Variants in VPS13C observed in about 807,000 individuals in gnomAD.
VPS13C encodes the protein vacuolar protein sorting 13 homolog C, also known as intermembrane lipid transfer protein VPS13C.
VPS13C carries 358 observed loss-of-function variants against 456.8 expected under a neutral mutation model. That is an observed-to-expected ratio of 0.78 (90% confidence interval 0.72 to 0.86). VPS13C has a LOEUF of 0.86. Ranked by LOEUF, VPS13C falls within the 40% of genes least tolerant of loss-of-function variation. VPS13C has a pLI of 0.00. For missense variants in VPS13C, 4,818 were observed against 4,385.4 expected (o/e 1.10, Z -2.79); for synonymous variants, 1,578 against 1,486.7 (o/e 1.06, Z -1.41).
chr15:62,049,962 G>A (rs2048564166), intron 1 of VPS13C, among the ~76,000 whole-genome samples: 1 of 152,166 alleles, frequency 6.6e-6, no homozygotes, highest in Non-Finnish European at 1.5e-5. Context: ...TGTATCCTGA[G>A]ACTTTGCTGA....
Position 61,981,479 on chromosome 15 carries a change from C to T in VPS13C, c.2030-1G>A. On this transcript the variant is annotated splice_acceptor_variant, in intron 21 of 84. Transcript: ENST00000644861. LOFTEE classifies it high-confidence loss of function. ...CGAGTTTCAATAATATGTGTAAGTC[C>T]TAAAGACGTAAGAAATAATGACAGA... 2 of 1,582,156 alleles carry T rather than the reference C, an allele frequency of 1.3e-6. No homozygotes were observed. Among genetic ancestry groups the T allele is most frequent in the Non-Finnish European group, 1.7e-6 (2 of 1,168,568 alleles).
intron 64 of VPS13C, among the ~76,000 whole-genome samples, chr15:61,909,573 T>C (rs35607089): frequency 0.064 from 9,775 of 152,328 alleles, 347 homozygotes; most frequent in Non-Finnish European, 0.081. Flanking sequence ...GTTGGCATTA[T>C]ATATTGATAT....
chr15:61,915,544 T>A, intron 61 of VPS13C, 89 bp downstream of exon 61: 1 of 1,343,606 alleles, frequency 7.4e-7, no homozygotes, highest in Non-Finnish European at 1.0e-6. Context: ...AGCAAATAGG[T>A]TAGCATGGTT....
chr15:61,897,512 A>G (rs2042863605), intron 66 of VPS13C, among the ~76,000 whole-genome samples: 1 of 152,218 alleles, frequency 6.6e-6, no homozygotes, highest in South Asian at 2.1e-4. Context: ...GCGATGGAAG[A>G]TGAAATGAAT....
intron 4 of VPS13C, among the ~76,000 whole-genome samples, chr15:62,033,818 A>T (rs574115135): frequency 3.0e-4 from 45 of 151,652 alleles, no homozygotes; most frequent in African/African-American, 6.5e-4. Context: ...CAAAGATAAG[A>T]AGTAGAAACA....
intron 66 of VPS13C, among the ~76,000 whole-genome samples, chr15:61,892,727 A>C (rs1348385581): frequency 6.6e-6 from 1 of 152,234 alleles, no homozygotes; most frequent in Non-Finnish European, 1.5e-5. Flanking sequence ...AATTCTAGGA[A>C]AGTCAGCAAC....
intron 2 of VPS13C, among the ~76,000 whole-genome samples, chr15:62,043,177 A>C (rs540440643): frequency 1.3e-5 from 2 of 152,270 alleles, no homozygotes; most frequent in Admixed American, 1.3e-4. Flanking sequence ...AAAATATTTA[A>C]ATTTTTGAGC....
chr15:61,909,260 T>C (rs1419921194), intron 64 of VPS13C, 135 bp from the exon 65 acceptor site: 1 of 1,089,328 alleles, frequency 9.2e-7, no homozygotes, highest in Non-Finnish European at 1.3e-6. Context: ...CAGGCTGGAG[T>C]ACAGTGGCGC....
chr15:61,943,681 A>C (rs1472119008), intron 45 of VPS13C, among the ~76,000 whole-genome samples: 1 of 152,180 alleles, frequency 6.6e-6, no homozygotes, highest in Non-Finnish European at 1.5e-5. Context: ...TCAAACTATA[A>C]GAATTTTACA....
intron 8 of VPS13C, among the ~76,000 whole-genome samples, chr15:62,022,107 A>C (rs931116818): frequency 4.6e-5 from 7 of 151,920 alleles, no homozygotes; most frequent in Non-Finnish European, 8.8e-5. Context: ...GAATGCTGAC[A>C]TCTCTTTGAC....
chr15:61,926,381 C>T (rs2043849947), intron 52 of VPS13C, among the ~76,000 whole-genome samples: 2 of 152,158 alleles, frequency 1.3e-5, no homozygotes, highest in Non-Finnish European at 2.9e-5. Context: ...GGCTAGGTGA[C>T]GGAGTGAGAC....
chr15:61,864,670 C>T (rs1481817876), intron 81 of VPS13C: 12 of 985,242 alleles, frequency 1.2e-5, no homozygotes, highest in Non-Finnish European at 1.4e-5. Context: ...TGCAAAAAGC[C>T]ATGAATAAGG....
intron 53 of VPS13C, 136 bp downstream of exon 53, chr15:61,925,320 T>C (rs1160722888): frequency 2.3e-6 from 1 of 429,238 alleles, no homozygotes. Flanking sequence ...ATGTTAGAAG[T>C]TACTGATTAC....
intron 15 of VPS13C, among the ~76,000 whole-genome samples, chr15:62,001,341 T>A (rs1379024799): frequency 6.6e-6 from 1 of 152,238 alleles, no homozygotes; most frequent in Non-Finnish European, 1.5e-5. Context: ...TTTTCTAATA[T>A]TTCACACTGG....
In VPS13C at chr15:61,998,599, C is replaced by T. The variant is rs181220225; in HGVS notation, c.1353+1965G>A. ...GAAACTAAGGCACAGAGGGGTCAAA[C>T]GGCCCAAAATCATATAATTAGTAGA... is the stretch of plus-strand genomic sequence containing the variant. On this transcript the variant is annotated intron_variant, in intron 16 of 84. Transcript: ENST00000644861. 1.8e-3 allele frequency among the ~76,000 whole-genome samples: 268 copies of T among 152,276 alleles called. 1 individual carries two copies. Among genetic ancestry groups the T allele is most frequent in the Admixed American group, 3.7e-3 (57 of 15,298 alleles).
chr15:61,932,497 T>A (rs1338744571), intron 49 of VPS13C, among the ~76,000 whole-genome samples: 1 of 151,810 alleles, frequency 6.6e-6, no homozygotes, highest in African/African-American at 2.4e-5. Flanking sequence ...TAACATATAA[T>A]TCCAAATTCT....
chr15:61,917,484 T>C lies in VPS13C; in HGVS notation c.7912A>G (p.Ile2638Val). Residue 2638 changes from isoleucine to valine, a missense_variant, in exon 60 of 85, where the codon ATA becomes GTA. Ile to Val is a conservative substitution (Grantham distance 29). Coordinates refer to ENST00000644861, the MANE Select transcript of VPS13C (RefSeq NM_020821.3). ...PSVEVSFLPLIVNTVALPDEL... is the reference protein window; with the variant it reads ...PSVEVSFLPLVVNTVALPDEL... ...TCAGGCAGAGCAACTGTATTCACTA[T>C]GAGAGGTAAGAAGCTGACTTCTACT... The C allele has an allele frequency of 6.2e-7, 1 of 1,614,092 alleles. No individual in the cohort carries two copies. Among genetic ancestry groups the C allele is most frequent in the Non-Finnish European group, 8.5e-7 (1 of 1,179,930 alleles).
intron 13 of VPS13C, among the ~76,000 whole-genome samples, chr15:62,009,711 C>G (rs1427187022): frequency 1.3e-5 from 2 of 152,154 alleles, no homozygotes; most frequent in African/African-American, 4.8e-5. Flanking sequence ...TTAGCTAAAT[C>G]TCCTGTCCTC....
intron 3 of VPS13C, among the ~76,000 whole-genome samples, chr15:62,035,976 T>C (rs2047985082): frequency 1.3e-5 from 2 of 152,018 alleles, no homozygotes; most frequent in African/African-American, 4.8e-5. Context: ...TCTGTCAAAA[T>C]CTTTCCATGT....
Sources: allele counts gnomAD v4.1 joint callset (sites outside exome capture counted in the v4.1 genomes callset), GRCh38; gene constraint gnomAD v4.1.1; transcripts MANE v1.5; gene names NCBI Gene and HGNC (gene_info 2026-07-23, HGNC 2026-07-21).